BCAR3: variants seen among roughly 807,000 people sequenced by gnomAD.
The protein encoded by BCAR3 is BCAR3 adaptor protein, NSP family member, also known as breast cancer anti-estrogen resistance protein 3.
BCAR3 carries 37 observed loss-of-function variants against 80.1 expected under a neutral mutation model. The observed-to-expected ratio is 0.46, with a 90% CI of 0.36 to 0.61. The LOEUF is 0.61. Among genes scored for constraint, BCAR3 ranks in the 20% least tolerant of loss-of-function variants. The pLI, the probability that BCAR3 is intolerant of heterozygous loss-of-function variation, is 0.00. For missense variants in BCAR3, 978 were observed against 1,068.2 expected (o/e 0.92, Z 1.18); for synonymous variants, 389 against 418.9 (o/e 0.93, Z 0.87).
intron 2 of BCAR3, among the ~76,000 whole-genome samples, chr1:93,735,325 C>T (rs1650937217): frequency 2.0e-5 from 3 of 152,222 alleles, no homozygotes; most frequent in Non-Finnish European, 4.4e-5. Flanking sequence ...CCATGTGATT[C>T]TCTGGATCTG....
chr1:93,658,420 C>T lies in BCAR3; in HGVS notation c.318-16077G>A, dbSNP rs188655154. Among the ~76,000 whole-genome samples the T allele has an allele frequency of 1.4e-3, 210 of 151,814 alleles. 1 individual carries two copies. The highest frequency in any genetic ancestry group is 4.9e-3 in the African/African-American group (204 of 41,366). On this transcript the variant is annotated intron_variant, in intron 2 of 11. Coordinates refer to ENST00000260502, the MANE Select transcript of BCAR3 (RefSeq NM_003567.4). ...GAACACACAAAGAATCTATGCAGAGCTACTAAGAGAGTTGAGCAGAGTTCA... is the reference window on the plus strand; with the variant it reads ...GAACACACAAAGAATCTATGCAGAGTTACTAAGAGAGTTGAGCAGAGTTCA...
chr1:93,570,004 C>A (rs912874588), intron 9 of BCAR3, among the ~76,000 whole-genome samples: 1 of 152,094 alleles, frequency 6.6e-6, no homozygotes, highest in African/African-American at 2.4e-5. Context: ...AAAATGATAA[C>A]CCGTTATAGT....
chr1:93,616,222 T>G (rs140882272), intron 3 of BCAR3, among the ~76,000 whole-genome samples: 193 of 152,356 alleles, frequency 1.3e-3, no homozygotes, highest in Non-Finnish European at 2.0e-3. Context: ...GATTAAATAA[T>G]GACTAATCTT....
At chr1:93,736,978 A>G (rs571019065) in intron 2 of BCAR3, among the ~76,000 whole-genome samples, 1 of 152,330 alleles carries the variant, frequency 6.6e-6, no homozygotes, top group East Asian at 1.9e-4. Context: ...CTCCTGTTGG[A>G]TCAGAAGCTC....
chr1:93,567,666 C>G (rs1673012007), intron 10 of BCAR3, 74 bp downstream of exon 10: 1 of 1,458,848 alleles, frequency 6.9e-7, no homozygotes, highest in Non-Finnish European at 9.5e-7. Flanking sequence ...CTCAGGGCCT[C>G]ATAACATGCC....
At chr1:93,702,638 G>T (rs1649685893) in intron 3 of BCAR3, among the ~76,000 whole-genome samples, 1 of 152,216 alleles carries the variant, frequency 6.6e-6, no homozygotes, top group Non-Finnish European at 1.5e-5. Flanking sequence ...AGGCAGACAT[G>T]AAGCCAAAGC....
intron 3 of BCAR3, among the ~76,000 whole-genome samples, chr1:93,624,082 T>C (rs1675388985): frequency 1.3e-5 from 2 of 152,214 alleles, no homozygotes; most frequent in Non-Finnish European, 2.9e-5. Context: ...TGGAATGTAC[T>C]GTGCCACTGG....
At chr1:93,804,569 A>G (rs979424001) in intron 2 of BCAR3, among the ~76,000 whole-genome samples, 1 of 152,234 alleles carries the variant, frequency 6.6e-6, no homozygotes, top group Non-Finnish European at 1.5e-5. Context: ...TATAGTGTGC[A>G]GCGCTGGACA....
chr1:93,581,991 G>A (rs1037876091), intron 7 of BCAR3, among the ~76,000 whole-genome samples: 3 of 152,192 alleles, frequency 2.0e-5, no homozygotes, highest in Non-Finnish European at 4.4e-5. Flanking sequence ...GATGCCAGCA[G>A]GGGTGGGTGG....
At chr1:93,571,948 G>A in intron 8 of BCAR3, 107 bp from the exon 9 acceptor site, 1 of 1,295,114 alleles carries the variant, frequency 7.7e-7, no homozygotes, top group Non-Finnish European at 1.1e-6. Context: ...TGCTCCTTTT[G>A]CTCTAAAATG....
At chr1:93,621,927 A>T (rs1184781429) in intron 3 of BCAR3, among the ~76,000 whole-genome samples, 1 of 152,210 alleles carries the variant, frequency 6.6e-6, no homozygotes, top group East Asian at 1.9e-4. Context: ...GCTGGAGGGC[A>T]GTGGCGCAAT....
At chr1:93,699,454 C>A (rs1400869298) in intron 3 of BCAR3, among the ~76,000 whole-genome samples, 1 of 151,900 alleles carries the variant, frequency 6.6e-6, no homozygotes, top group Non-Finnish European at 1.5e-5. Flanking sequence ...ACCCCAACCT[C>A]GAGGATTTCT....
At chr1:93,832,937 C>T (rs780773965) in intron 2 of BCAR3, among the ~76,000 whole-genome samples, 2 of 152,104 alleles carry the variant, frequency 1.3e-5, no homozygotes, top group African/African-American at 2.4e-5. Context: ...TATCTCCCCA[C>T]CTTAATCCAC....
At chr1:93,837,903 T>C (rs1423715327) in intron 2 of BCAR3, among the ~76,000 whole-genome samples, 1 of 152,232 alleles carries the variant, frequency 6.6e-6, no homozygotes, top group African/African-American at 2.4e-5. Flanking sequence ...GTCATAAATG[T>C]ACCTGAAGAA....
chr1:93,785,294 T>A (rs913651012), intron 2 of BCAR3, among the ~76,000 whole-genome samples: 2 of 152,160 alleles, frequency 1.3e-5, no homozygotes, highest in African/African-American at 4.8e-5. Flanking sequence ...AACCTCAAAG[T>A]CAAATGCTTG....
intron 11 of BCAR3, among the ~76,000 whole-genome samples, chr1:93,563,215 C>T (rs936220121): frequency 2.6e-5 from 4 of 152,182 alleles, no homozygotes; most frequent in Non-Finnish European, 4.4e-5. Flanking sequence ...AATTCCTGTT[C>T]CTACTGCAGA....
intron 2 of BCAR3, among the ~76,000 whole-genome samples, chr1:93,737,308 C>A (rs1294565225): frequency 6.6e-6 from 1 of 152,206 alleles, no homozygotes; most frequent in East Asian, 1.9e-4. Flanking sequence ...GAAATAGGGT[C>A]TTTTGCAGGT....
intron 3 of BCAR3, among the ~76,000 whole-genome samples, chr1:93,636,458 G>A (rs236278): frequency 0.046 from 6,993 of 152,060 alleles, 242 homozygotes; most frequent in East Asian, 0.12. Context: ...TCCTCACTGC[G>A]GTAGCCTGGA....
At position 93,618,914 on chromosome 1, in the gene BCAR3, G is replaced by A. The variant is rs1675219498; in HGVS notation, c.357+23390C>T. ...CTCTGTTTTAGGCATTTACCAGCCT[G>A]AAGCCGTGGGTTTTTTTTTTTTTTG... On this transcript the variant is annotated intron_variant, in intron 3 of 11. Transcript: ENST00000260502. Among the ~76,000 whole-genome samples, 3 of 148,786 alleles carry A rather than the reference G, an allele frequency of 2.0e-5. No homozygotes were observed. The South Asian group carries it at 6.4e-4, about 32-fold the overall frequency.
Sources: allele counts gnomAD v4.1 joint callset (sites outside exome capture counted in the v4.1 genomes callset), GRCh38; gene constraint gnomAD v4.1.1; transcripts MANE v1.5; gene names NCBI Gene and HGNC (gene_info 2026-07-23, HGNC 2026-07-21).